The following CACNB3 variants were observed in gnomAD, a reference collection of about 807,000 sequenced individuals.
The protein encoded by CACNB3 is calcium voltage-gated channel auxiliary subunit beta 3, also known as voltage-dependent L-type calcium channel subunit beta-3.
A neutral mutation model predicts 63.7 loss-of-function variants in CACNB3; 36 were observed. The ratio of observed to expected loss-of-function variants is 0.57; its 90% confidence interval spans 0.43 to 0.75. The LOEUF (loss-of-function observed/expected upper bound fraction) is 0.75, where lower values mean the gene tolerates loss of function less well. Ranked by LOEUF, CACNB3 falls within the 30% of genes least tolerant of loss-of-function variation. The probability of loss-of-function intolerance (pLI) is 0.00; values close to 1 mark genes in which losing one functional copy is unlikely to be tolerated. For synonymous variants in CACNB3, 241 were observed against 250.6 expected, an observed-to-expected ratio of 0.96 and a Z score of 0.36; for missense variants, 493 against 648.6, an observed-to-expected ratio of 0.76 and a Z score of 2.61.
chr12:48,825,299 G>A lies in CACNB3; in HGVS notation c.573+56G>A. 1 of 1,587,636 alleles carries A rather than the reference G, an allele frequency of 6.3e-7. No individual in the cohort carries two copies. The highest frequency in any genetic ancestry group is 8.6e-7 in the Non-Finnish European group (1 of 1,157,090). On this transcript the variant is annotated intron_variant, in intron 7 of 12. Coordinates refer to ENST00000301050, the MANE Select transcript of CACNB3 (RefSeq NM_000725.4). The surrounding 1 kb of genome is among the most constrained non-coding windows in gnomAD (Gnocchi z 4.5). ...ACCTCTACCAAGCCTGCCACAGGAA[G>A]TCCCTAGGGAAAGTGGAAGGGGTGT... is the stretch of plus-strand genomic sequence containing the variant.
chr12:48,819,202 G>A (rs1362437831), intron 1 of CACNB3, among the ~76,000 whole-genome samples: 2 of 152,070 alleles, frequency 1.3e-5, no homozygotes, highest in Non-Finnish European at 2.9e-5. Flanking sequence ...GCAGTATAGG[G>A]GAAGGGCTCA....
Position 48,826,147 on chromosome 12 carries a change from C to T in CACNB3, c.743-220C>T. The T allele has an allele frequency of 1.7e-6, 1 of 591,646 alleles. No homozygotes were observed. Among genetic ancestry groups the T allele is most frequent in the Non-Finnish European group, 3.0e-6 (1 of 332,818 alleles). 36.6% of individuals were successfully genotyped at this position (591,646 alleles called of 1,614,324 possible). A position where few individuals can be genotyped will look rare whatever the true frequency, so the allele number is the denominator to read the frequency against. On this transcript the variant is annotated intron_variant, in intron 9 of 12. Coordinates refer to ENST00000301050, the MANE Select transcript of CACNB3 (RefSeq NM_000725.4). The surrounding 1 kb of genome is among the most constrained non-coding windows in gnomAD (Gnocchi z 4.8). The stretch of plus-strand genomic sequence containing the variant: ...CCTGGCCCCTCTTCCCTTTTCTCTT[C>T]CTTACCTCCTTGTCTTTCTGCCCAA...
In CACNB3 at chr12:48,818,880, G is replaced by A. The variant is rs1228522256; in HGVS notation, c.-50G>A. On this transcript the variant is annotated 5_prime_UTR_variant, in exon 1 of 13. Coordinates refer to ENST00000301050, the MANE Select transcript of CACNB3 (RefSeq NM_000725.4). The surrounding 1 kb of genome is among the most constrained non-coding windows in gnomAD (Gnocchi z 4.3). ...GCCCGCAGTCCTTGCCCCTGCCTCC[G>A]GGCCGCTCCCGCCCCCGGCGCCGCT... The A allele has an allele frequency of 3.3e-6, 5 of 1,537,978 alleles. No individual in the cohort carries two copies. Among genetic ancestry groups the A allele is most frequent in the Non-Finnish European group, 4.4e-6 (5 of 1,141,294 alleles).
chr12:48,827,070 C>G lies in CACNB3; in HGVS notation c.1087C>G (p.Pro363Ala). The change falls in exon 12 of 13, where the codon CCA becomes GCA. Residue 363 changes from proline to alanine, a missense_variant. Pro to Ala is a conservative substitution (Grantham distance 27). Transcript: ENST00000301050. ...GGTTTACTGGCGGGCCACGCACCAC[C>G]CAGCCCCTGGCCCCGGACTTCTGGG... ...LEVYWRATHH[P>A]APGPGLLGPP... 1 of 1,613,466 alleles carries G rather than the reference C, an allele frequency of 6.2e-7. No homozygotes were observed. The highest frequency in any genetic ancestry group is 8.5e-7 in the Non-Finnish European group (1 of 1,180,022).
chr12:48,826,723 A>G lies in CACNB3; in HGVS notation c.895-36A>G, dbSNP rs377030519. 6.4e-7 allele frequency: 1 copy of G among 1,556,324 alleles called. No homozygotes were observed. The highest frequency in any genetic ancestry group is 1.4e-5 in the African/African-American group (1 of 73,720). On this transcript the variant is annotated intron_variant, in intron 10 of 12. Transcript: ENST00000301050. This position sits in a 1 kb window ranked among gnomAD's most constrained non-coding sequence, Gnocchi z 4.8. ...GGGCTCAGCTCTGCCCAGAGTCCTG[A>G]GAGACTCCAGGCCTAGCTCTGCCCT... is the stretch of plus-strand genomic sequence containing the variant.
chr12:48,817,102 C>A, upstream of CACNB3: 2 of 673,126 alleles, frequency 3.0e-6, no homozygotes, highest in Non-Finnish European at 3.7e-6. Context: ...ACAGTCCCTT[C>A]AGCCACAGGG....
chr12:48,827,673 C>T lies in CACNB3; in HGVS notation c.1229C>T (p.Ser410Phe), dbSNP rs1938224389. ...LMPSDEASES[S>F]RQAWTGSSQR... Reference sequence around the variant, plus strand: ...CCCTCTGATGAGGCCAGCGAGAGCTCCCGCCAAGCCTGGACAGGATCTTCA... The same window carrying T: ...CCCTCTGATGAGGCCAGCGAGAGCTTCCGCCAAGCCTGGACAGGATCTTCA... The change falls in exon 13 of 13, where the codon TCC becomes TTC. Residue 410 changes from serine to phenylalanine, a missense_variant. By Grantham distance (155) the Ser-to-Phe change is radical. Coordinates refer to ENST00000301050, the MANE Select transcript of CACNB3 (RefSeq NM_000725.4). 6.2e-7 allele frequency: 1 copy of T among 1,613,896 alleles called. No homozygotes were observed. Among genetic ancestry groups the T allele is most frequent in the African/African-American group, 1.3e-5 (1 of 75,044 alleles).
upstream of CACNB3, chr12:48,815,543 G>A (rs1194326348): frequency 6.7e-7 from 1 of 1,496,822 alleles, no homozygotes; most frequent in African/African-American, 1.4e-5. Context: ...CAGGGGAGAG[G>A]GAAGGGAGCA....
rs1373860041 is a variant in CACNB3, at chr12:48,828,760, CTT to C, written c.*863_*864del. On this transcript the variant is annotated 3_prime_UTR_variant, in exon 13 of 13. Coordinates refer to ENST00000301050, the MANE Select transcript of CACNB3 (RefSeq NM_000725.4). Reference sequence around the variant, plus strand: ...CATCTTTGGAGAACCGGGCTCCAGACTTTGTTCCCTGACTCATAGCTGCCGCT... The same window carrying C: ...CATCTTTGGAGAACCGGGCTCCAGACTGTTCCCTGACTCATAGCTGCCGCT... 2.2e-6 allele frequency: 1 copy of C among 456,458 alleles called. No homozygotes were observed. Among genetic ancestry groups the C allele is most frequent in the South Asian group, 1.5e-5 (1 of 64,566 alleles). The allele number at this position is 456,458 out of a possible 1,614,324, so 28.3% of individuals were successfully genotyped here.
At chr12:48,819,491 G>T in intron 1 of CACNB3, 1 of 290,490 alleles carries the variant, frequency 3.4e-6, no homozygotes, top group African/African-American at 2.2e-5. Flanking sequence ...AACTTGAGGA[G>T]CTCCATTATT....
In CACNB3 at chr12:48,826,170, C is replaced by T. The variant is rs2137464376; in HGVS notation, c.743-197C>T. ...TTCCTTACCTCCTTGTCTTTCTGCCCAACTCCTCTACCTGCCCCCAGGATT... is the reference window on the plus strand; with the variant it reads ...TTCCTTACCTCCTTGTCTTTCTGCCTAACTCCTCTACCTGCCCCCAGGATT... On this transcript the variant is annotated intron_variant, in intron 9 of 12. Coordinates refer to ENST00000301050, the MANE Select transcript of CACNB3 (RefSeq NM_000725.4). The surrounding 1 kb of genome is among the most constrained non-coding windows in gnomAD (Gnocchi z 4.8). The T allele has an allele frequency of 1.7e-6, 1 of 604,106 alleles. No homozygotes were observed. Among genetic ancestry groups the T allele is most frequent in the Non-Finnish European group, 2.9e-6 (1 of 341,288 alleles). 37.4% of individuals were successfully genotyped at this position (604,106 alleles called of 1,614,324 possible). A position where few individuals can be genotyped will look rare whatever the true frequency, so the allele number is the denominator to read the frequency against.
upstream of CACNB3, chr12:48,814,616 A>G: frequency 6.9e-7 from 1 of 1,453,368 alleles, no homozygotes; most frequent in Non-Finnish European, 9.1e-7. This position sits in a 1 kb window ranked among gnomAD's most constrained non-coding sequence, Gnocchi z 6.9. Flanking sequence ...CGGGGTGGGA[A>G]TAAGTAGAGC....
chr12:48,824,611 C>T, intron 4 of CACNB3, 58 bp from the exon 5 acceptor site: 2 of 1,458,296 alleles, frequency 1.4e-6, no homozygotes, highest in Non-Finnish European at 1.9e-6. Context: ...ATGCATAGAA[C>T]ATACATACAC....
upstream of CACNB3, chr12:48,815,088 G>A (rs1251811472): frequency 1.3e-5 from 2 of 158,696 alleles, no homozygotes; most frequent in Non-Finnish European, 2.8e-5. Flanking sequence ...TTGGGCGGGC[G>A]AGCAGAGCAC....
Position 48,828,432 on chromosome 12 carries a change from T to C in CACNB3, c.*533T>C, listed in dbSNP as rs1440980605. ...AAGCCCCCCCAGGGTGGCACACCCA[T>C]CTGTTTGCTGGGGTGTGGCAGCCAC... On this transcript the variant is annotated 3_prime_UTR_variant, in exon 13 of 13. Coordinates refer to ENST00000301050, the MANE Select transcript of CACNB3 (RefSeq NM_000725.4). The C allele has an allele frequency of 5.9e-6, 2 of 339,698 alleles. No individual in the cohort carries two copies. Among genetic ancestry groups the C allele is most frequent in the Admixed American group, 3.8e-5 (1 of 26,088 alleles). The allele number at this position is 339,698 out of a possible 1,614,324, so 21.0% of individuals were successfully genotyped here. A position where few individuals can be genotyped will look rare whatever the true frequency, so the allele number is the denominator to read the frequency against.
chr12:48,815,413 GGA>G (rs1942260600), upstream of CACNB3: 1 of 634,024 alleles, frequency 1.6e-6, no homozygotes, highest in Non-Finnish European at 2.6e-6. Flanking sequence ...ACCTTAGACA[GGA>G]GAGACGGAAG....
intron 4 of CACNB3, 124 bp from the exon 5 acceptor site, chr12:48,824,545 C>A: frequency 1.9e-6 from 2 of 1,079,984 alleles, no homozygotes; most frequent in Non-Finnish European, 2.7e-6. Context: ...ACACATATTG[C>A]ATGTACACCT....
At chr12:48,822,126 C>T (rs1937881879) in intron 1 of CACNB3, among the ~76,000 whole-genome samples, 1 of 152,172 alleles carries the variant, frequency 6.6e-6, no homozygotes, top group Admixed American at 6.5e-5. Flanking sequence ...CCCCTATACA[C>T]ACACACACTC....
Position 48,827,003 on chromosome 12 carries a change from C to T in CACNB3, c.1020C>T (p.Asn340=). Reference sequence around the variant, plus strand: ...CATTTGATGTGATTCTGGATGAGAACCAGCTGGAGGATGCCTGTGAGCACC... The same window carrying T: ...CATTTGATGTGATTCTGGATGAGAATCAGCTGGAGGATGCCTGTGAGCACC... ...PESFDVILDE[N]QLEDACEHLA... is the part of the protein sequence containing the mutation. The change falls in exon 12 of 13, where the codon AAC becomes AAT. Residue 340 remains asparagine (N), a synonymous_variant. Transcript: ENST00000301050. 1.2e-6 allele frequency: 2 copies of T among 1,614,128 alleles called. No individual in the cohort carries two copies. Among genetic ancestry groups the T allele is most frequent in the Non-Finnish European group, 1.7e-6 (2 of 1,180,040 alleles).
Sources: allele counts gnomAD v4.1 joint callset (sites outside exome capture counted in the v4.1 genomes callset), GRCh38; gene constraint gnomAD v4.1.1; non-coding constraint Gnocchi (gnomAD v3.1); transcripts MANE v1.5; gene names NCBI Gene and HGNC (gene_info 2026-07-23, HGNC 2026-07-21).